Variants in MMUT observed in about 807,000 individuals in gnomAD.
MMUT encodes methylmalonyl-CoA mutase, also known as methylmalonyl-CoA mutase, mitochondrial.
A neutral mutation model predicts 79.9 loss-of-function variants in MMUT; 79 were observed. The ratio of observed to expected loss-of-function variants is 0.99; its 90% CI spans 0.82 to 1.19. The LOEUF (loss-of-function observed/expected upper bound fraction) is 1.19, where lower values mean the gene tolerates loss of function less well. Among genes scored for constraint, MMUT ranks in the 50% most tolerant of loss-of-function variants. The pLI, the probability that MMUT is intolerant of heterozygous loss-of-function variation, is 0.00. For synonymous variants in MMUT, 273 were observed against 295.7 expected (o/e 0.92, Z 0.79); for missense variants, 860 against 917.2 (o/e 0.94, Z 0.81).
At chr6:49,454,195 A>G (rs900846295) in intron 4 of MMUT, among the ~76,000 whole-genome samples, 2 of 152,190 alleles carry the variant, frequency 1.3e-5, no homozygotes, top group African/African-American at 4.8e-5. Flanking sequence ...ATACTTCTCC[A>G]ATTTGTGCCC....
rs997638809 is a variant in MMUT, at chr6:49,436,978, A to C, written c.1957-1355T>G. ...GGAGCAGGAGGAGGGAGGTCAGAAA[A>C]ACAACTAATGGGTACTAGGCTTAAC... On this transcript the variant is annotated intron_variant, in intron 11 of 12. Transcript: ENST00000274813. 3.9e-5 allele frequency among the ~76,000 whole-genome samples: 6 copies of C among 152,238 alleles called. No homozygotes were observed. In the South Asian group the frequency reaches 1.0e-3, roughly 26 times the overall value.
chr6:49,443,141 T>G (rs561154834), intron 9 of MMUT, among the ~76,000 whole-genome samples: 1 of 152,142 alleles, frequency 6.6e-6, no homozygotes, highest in Non-Finnish European at 1.5e-5. Flanking sequence ...TTTCTGCACA[T>G]CCTGTGGAGC....
chr6:49,435,385 T>C, intron 12 of MMUT, 71 bp downstream of exon 12: 1 of 1,436,470 alleles, frequency 7.0e-7, no homozygotes, highest in Non-Finnish European at 9.8e-7. Context: ...AGTTTATCTT[T>C]AGAACCACAA....
chr6:49,461,110 T>A (rs1220471320), intron 1 of MMUT, among the ~76,000 whole-genome samples: 1 of 152,214 alleles, frequency 6.6e-6, no homozygotes, highest in Non-Finnish European at 1.5e-5. Flanking sequence ...CATGTAGTTA[T>A]CAAAATATGT....
chr6:49,447,482 T>C (rs569749913), intron 8 of MMUT, among the ~76,000 whole-genome samples, 188 bp downstream of exon 8: 2 of 151,792 alleles, frequency 1.3e-5, no homozygotes, highest in African/African-American at 4.8e-5. Flanking sequence ...TGAGTCCTGG[T>C]TGTCTATTTA....
At chr6:49,438,530 GT>G (rs1767191950) in intron 11 of MMUT, among the ~76,000 whole-genome samples, 1 of 152,084 alleles carries the variant, frequency 6.6e-6, no homozygotes, top group Non-Finnish European at 1.5e-5. Flanking sequence ...GGCATAATCA[GT>G]TTTAGTTCTG....
chr6:49,431,447 C>T lies in MMUT; in HGVS notation c.*281G>A, dbSNP rs144168425. ...AAGAAACATTCTAATAAATACATCACCATGATTTTTAAAAATAATACCATT... is the reference window on the plus strand; with the variant it reads ...AAGAAACATTCTAATAAATACATCATCATGATTTTTAAAAATAATACCATT... On this transcript the variant is annotated 3_prime_UTR_variant, in exon 13 of 13. Transcript: ENST00000274813. 8.3e-5 allele frequency: 18 copies of T among 217,724 alleles called. No individual in the cohort carries two copies. In the East Asian group the frequency reaches 1.8e-3, roughly 22 times the overall value. The allele number at this position is 217,724 out of a possible 1,614,324, so 13.5% of individuals were successfully genotyped here. A position where few individuals can be genotyped will look rare whatever the true frequency, so the allele number is the denominator to read the frequency against.
Position 49,448,844 on chromosome 6 carries a change from A to G in MMUT, c.1416T>C (p.Ala472=). 6.2e-7 allele frequency: 1 copy of G among 1,613,546 alleles called. No individual in the cohort carries two copies. Among genetic ancestry groups the G allele is most frequent in the Non-Finnish European group, 8.5e-7 (1 of 1,179,584 alleles). ...GIPKLRIEEC[A]ARRQARIDSG... is the part of the protein sequence containing the mutation. ...AATCTATTCTAGCTTGTCTTCGGGC[A>G]GCACATTCTTCAATTCGAAGTTTAG... The change falls in exon 7 of 13, where the codon GCT becomes GCC. Residue 472 remains alanine, a synonymous_variant. Coordinates refer to ENST00000274813, the MANE Select transcript of MMUT (RefSeq NM_000255.4).
At position 49,444,845 on chromosome 6, in the gene MMUT, A is replaced by AT. The variant is rs1767373260; in HGVS notation, c.1561-92dup. On this transcript the variant is annotated intron_variant, in intron 8 of 12. Transcript: ENST00000274813. Reference sequence around the variant, plus strand: ...TAGACCCTGATGCATAGCATATGGCATTTTTTTCCATAATCCTAACTCCAA... The same window carrying AT: ...TAGACCCTGATGCATAGCATATGGCATTTTTTTTCCATAATCCTAACTCCAA... 100 of 899,322 alleles carry AT rather than the reference A, an allele frequency of 1.1e-4. 2 individuals are homozygous for AT. The South Asian group carries it at 1.6e-3, about 14-fold the overall frequency. 55.7% of individuals were successfully genotyped at this position (899,322 alleles called of 1,614,324 possible). A position where few individuals can be genotyped will look rare whatever the true frequency, so the allele number is the denominator to read the frequency against.
chr6:49,447,611 G>C, intron 8 of MMUT, 59 bp downstream of exon 8: 2 of 963,626 alleles, frequency 2.1e-6, no homozygotes, highest in Non-Finnish European at 3.3e-6. Flanking sequence ...TAAAAGCTTA[G>C]CCAGAGCCCA....
chr6:49,451,206 G>GCTTTTTAATACTAGCTGT (rs1581829701), intron 6 of MMUT, among the ~76,000 whole-genome samples: 3 of 152,122 alleles, frequency 2.0e-5, no homozygotes, highest in East Asian at 3.8e-4. Context: ...CTTTGTATGA[G>GCTTTTTAATACTAGCTGT]CTTTTTAATA....
intron 12 of MMUT, 126 bp from the exon 13 acceptor site, chr6:49,431,982 T>C (rs1766991851): frequency 1.8e-6 from 2 of 1,087,444 alleles, no homozygotes; most frequent in Admixed American, 2.1e-5. Context: ...TACTGGCATT[T>C]GGGGCTAAAA....
rs754369323 is a variant in MMUT at position 49,441,972 on chromosome 6, C to T, written c.1677-1G>A. The T allele has an allele frequency of 5.6e-6, 9 of 1,608,818 alleles. No individual in the cohort carries two copies. The East Asian group carries it at 1.6e-4, about 28-fold the overall frequency. The stretch of plus-strand genomic sequence containing the variant: ...ATCTGTGATTTCTCCCACTGTACAT[C>T]TGAAACATGAAATGGTGGTTCCATT... On this transcript the variant is annotated splice_acceptor_variant, in intron 9 of 12. Coordinates refer to ENST00000274813, the MANE Select transcript of MMUT (RefSeq NM_000255.4). LOFTEE classifies it high-confidence loss of function.
At position 49,448,894 on chromosome 6, in the gene MMUT, C is replaced by T; in HGVS notation, c.1366G>A (p.Ala456Thr). The part of the protein sequence containing the change: ...INEIEEMGGM[A>T]KAVAEGIPKL... ...GGTATTCCCTCAGCTACAGCTTTGG[C>T]CATTCCACCCATTTCTTCAATTTCA... The change falls in exon 7 of 13, where the codon GCC becomes ACC. Residue 456 changes from alanine to threonine, a missense_variant. By Grantham distance (58) the Ala-to-Thr change is moderately conservative. Coordinates refer to ENST00000274813, the MANE Select transcript of MMUT (RefSeq NM_000255.4). 4 of 1,613,188 alleles carry T rather than the reference C, an allele frequency of 2.5e-6. No individual in the cohort carries two copies. Among genetic ancestry groups the T allele is most frequent in the Non-Finnish European group, 3.4e-6 (4 of 1,179,406 alleles).
At chr6:49,439,433 T>G (rs1767214109) in intron 11 of MMUT, among the ~76,000 whole-genome samples, 1 of 152,112 alleles carries the variant, frequency 6.6e-6, no homozygotes, top group Non-Finnish European at 1.5e-5. Flanking sequence ...CACTGACACC[T>G]CAAGCACCAT....
chr6:49,459,555 T>G, intron 1 of MMUT, 50 bp from the exon 2 acceptor site: 23 of 1,338,946 alleles, frequency 1.7e-5, no homozygotes, highest in Non-Finnish European at 2.1e-5. Context: ...GGGTGGGAAA[T>G]AGGAGCTACT....
At chr6:49,452,772 A>C (rs928341308) in intron 5 of MMUT, among the ~76,000 whole-genome samples, 2 of 152,228 alleles carry the variant, frequency 1.3e-5, no homozygotes, top group African/African-American at 4.8e-5. Flanking sequence ...TTTCATATGT[A>C]AAGAGAACAT....
chr6:49,459,868 G>A (rs879794111), intron 1 of MMUT, among the ~76,000 whole-genome samples: 1 of 152,124 alleles, frequency 6.6e-6, no homozygotes, highest in Non-Finnish European at 1.5e-5. Context: ...ATATACTACA[G>A]CCTCCTAATT....
rs774922902 is a variant in MMUT at position 49,459,097 on chromosome 6, T to C, written c.370A>G (p.Lys124Glu). 2 of 1,614,132 alleles carry C rather than the reference T, an allele frequency of 1.2e-6. No individual in the cohort carries two copies. The highest frequency in any genetic ancestry group is 2.2e-5 in the South Asian group (2 of 91,070). Residue 124 changes from lysine to glutamate, a missense_variant, in exon 2 of 13, where the codon AAG becomes GAG. Lys to Glu is a moderately conservative substitution (Grantham distance 56). Coordinates refer to ENST00000274813, the MANE Select transcript of MMUT (RefSeq NM_000255.4). ...STVEESNKFY[K>E]DNIKAGQQGL... is the part of the protein sequence containing the mutation. Reference sequence around the variant, plus strand: ...AAAATCTCACCCTTAATGTTGTCCTTATAGAACTTATTGCTTTCTTCCACA... The same window carrying C: ...AAAATCTCACCCTTAATGTTGTCCTCATAGAACTTATTGCTTTCTTCCACA...
Sources: gnomAD v4.1 joint callset for allele counts (sites outside exome capture counted in the v4.1 genomes callset) on GRCh38, gnomAD v4.1.1 for gene constraint, MANE v1.5 for transcripts, NCBI Gene and HGNC (gene_info 2026-07-23, HGNC 2026-07-21) for gene names.